NHSL1: variants seen among roughly 807,000 people sequenced by gnomAD.
The protein encoded by NHSL1 is NHS like 1, also known as NHS-like protein 1.
In NHSL1, 48 loss-of-function variants were observed where a neutral mutation model predicts 95.0. The observed-to-expected ratio is 0.51, with a 90% CI of 0.40 to 0.64. The LOEUF is 0.64. NHSL1 is among the 30% of genes least tolerant of loss of function. The pLI is 0.00. For synonymous variants in NHSL1, 783 were observed against 833.9 expected, an observed-to-expected ratio of 0.94 and a Z score of 1.05; for missense variants, 1,971 against 2,077.7, an observed-to-expected ratio of 0.95 and a Z score of 1.00.
chr6:138,674,175 C>A (rs1232986435), intron 1 of NHSL1, among the ~76,000 whole-genome samples: 2 of 151,716 alleles, frequency 1.3e-5, no homozygotes, highest in Admixed American at 1.3e-4. Flanking sequence ...AAAATATATC[C>A]TTTATTAGGT....
upstream of NHSL1, among the ~76,000 whole-genome samples, chr6:138,503,276 C>T (rs540335343): frequency 5.3e-5 from 8 of 152,250 alleles, no homozygotes; most frequent in African/African-American, 1.4e-4. Context: ...GCTCCTTCTC[C>T]GAATTCCAAC....
At chr6:138,613,272 C>T (rs572585768) in intron 1 of NHSL1, among the ~76,000 whole-genome samples, 145 of 152,238 alleles carry the variant, frequency 9.5e-4, no homozygotes, top group African/African-American at 3.2e-3. Flanking sequence ...GGTTTCTGAT[C>T]GAGGTGGAGT....
chr6:138,641,657 G>C (rs9495173), intron 1 of NHSL1, among the ~76,000 whole-genome samples: 8,743 of 150,528 alleles, frequency 0.058, 273 homozygotes, highest in South Asian at 0.075. Context: ...TCATGGCAGT[G>C]GGGAACTCCT....
rs1254510069 is a variant in NHSL1, at chr6:138,424,023, T to C, written c.*58A>G. ...AGGGAAGGGCGCCTAGCAGGCTTCCTAGAGTGCTGCATTGCTCGTCTCCCC... is the reference window on the plus strand; with the variant it reads ...AGGGAAGGGCGCCTAGCAGGCTTCCCAGAGTGCTGCATTGCTCGTCTCCCC... On this transcript the variant is annotated 3_prime_UTR_variant, in exon 8 of 8. Transcript: ENST00000343505. This position sits in a 1 kb window ranked among gnomAD's most constrained non-coding sequence, Gnocchi z 5.9. 2.3e-6 allele frequency: 3 copies of C among 1,305,576 alleles called. No individual in the cohort carries two copies. The highest frequency in any genetic ancestry group is 1.5e-5 in the African/African-American group (1 of 66,898). 80.9% of individuals were successfully genotyped at this position (1,305,576 alleles called of 1,614,324 possible). A position where few individuals can be genotyped will look rare whatever the true frequency, so the allele number is the denominator to read the frequency against.
At chr6:138,571,810 C>G in exon 1 of NHSL1, 9 of 1,552,230 alleles carry the variant, frequency 5.8e-6, no homozygotes, top group Non-Finnish European at 7.0e-6. Flanking sequence ...GCCTCTTTGT[C>G]TGCCTGGACA....
intron 1 of NHSL1, among the ~76,000 whole-genome samples, chr6:138,644,642 C>T (rs1332437095): frequency 6.6e-6 from 1 of 152,206 alleles, no homozygotes; most frequent in African/African-American, 2.4e-5. Flanking sequence ...GTTATTAATA[C>T]TGTTATTACC....
At chr6:138,633,073 G>A (rs1784841131) in intron 1 of NHSL1, among the ~76,000 whole-genome samples, 1 of 152,108 alleles carries the variant, frequency 6.6e-6, no homozygotes, top group African/African-American at 2.4e-5. Flanking sequence ...ACTGAAGAAT[G>A]CATCAGAGTC....
intron 1 of NHSL1, among the ~76,000 whole-genome samples, chr6:138,535,031 T>C (rs975079011): frequency 6.6e-6 from 1 of 152,192 alleles, no homozygotes; most frequent in Non-Finnish European, 1.5e-5. Context: ...GACGAGCTTT[T>C]ACTCCGAGTG....
At chr6:138,596,831 G>A (rs1439489255) in intron 1 of NHSL1, among the ~76,000 whole-genome samples, 3 of 152,040 alleles carry the variant, frequency 2.0e-5, no homozygotes, top group Non-Finnish European at 1.5e-5. Flanking sequence ...TAGAGGCAGC[G>A]GCAGCAGCAA....
upstream of NHSL1, among the ~76,000 whole-genome samples, chr6:138,503,844 G>A (rs1480867927): frequency 6.6e-6 from 1 of 151,826 alleles, no homozygotes; most frequent in Non-Finnish European, 1.5e-5. Flanking sequence ...CCCCCAAACT[G>A]TTTCTCAGGA....
chr6:138,511,118 T>TA (rs1781202215), intron 1 of NHSL1, among the ~76,000 whole-genome samples: 3 of 152,208 alleles, frequency 2.0e-5, no homozygotes, highest in Non-Finnish European at 4.4e-5. Context: ...GTAAAAATGA[T>TA]ACGCTTAGCT....
At chr6:138,443,827 T>C (rs558175772) in intron 4 of NHSL1, among the ~76,000 whole-genome samples, 9 of 152,244 alleles carry the variant, frequency 5.9e-5, no homozygotes, top group Admixed American at 3.9e-4. Flanking sequence ...GAGACCTCCA[T>C]ATCAAAAAAT....
intron 1 of NHSL1, among the ~76,000 whole-genome samples, chr6:138,559,697 C>G (rs748739616): frequency 6.6e-6 from 1 of 152,122 alleles, no homozygotes; most frequent in Non-Finnish European, 1.5e-5. Context: ...CATAATAACA[C>G]CCTACTGAAA....
chr6:138,519,476 T>C (rs1401696937), intron 1 of NHSL1, among the ~76,000 whole-genome samples: 1 of 152,130 alleles, frequency 6.6e-6, no homozygotes. Context: ...GAGAAATATC[T>C]TAGATGAAGA....
chr6:138,589,165 T>C (rs1305656474), intron 1 of NHSL1, among the ~76,000 whole-genome samples: 1 of 152,072 alleles, frequency 6.6e-6, no homozygotes, highest in Non-Finnish European at 1.5e-5. Context: ...ATGAAAGCAA[T>C]CAAGTATCCA....
chr6:138,680,750 G>A (rs1257333570), intron 1 of NHSL1, among the ~76,000 whole-genome samples: 1 of 152,124 alleles, frequency 6.6e-6, no homozygotes, highest in East Asian at 1.9e-4. Flanking sequence ...CCAATCAGCT[G>A]GGACCACAGG....
At chr6:138,453,635 C>T (rs570797426) in intron 3 of NHSL1, among the ~76,000 whole-genome samples, 12 of 152,144 alleles carry the variant, frequency 7.9e-5, no homozygotes, top group Non-Finnish European at 1.8e-4. Context: ...CAGACTCAAA[C>T]TCCTGGGTTC....
intron 5 of NHSL1, among the ~76,000 whole-genome samples, chr6:138,437,359 CAT>C (rs374814827): frequency 0.032 from 680 of 20,958 alleles, 46 homozygotes; most frequent in African/African-American, 0.072. Flanking sequence ...TATATATACA[CAT>C]ATATATATAT....
intron 3 of NHSL1, chr6:138,464,240 G>A: frequency 1.2e-6 from 1 of 823,734 alleles, no homozygotes; most frequent in Non-Finnish European, 2.0e-6. Flanking sequence ...GGCCATCACG[G>A]CCGGCACCGT....
Sources: gnomAD v4.1 joint callset for allele counts (sites outside exome capture counted in the v4.1 genomes callset) on GRCh38, gnomAD v4.1.1 for gene constraint, Gnocchi (gnomAD v3.1) non-coding constraint, MANE v1.5 for transcripts, NCBI Gene and HGNC (gene_info 2026-07-23, HGNC 2026-07-21) for gene names.